FBLN1: variants seen among roughly 807,000 people sequenced by gnomAD.
The protein encoded by FBLN1 is fibulin-1.
In FBLN1, 34 loss-of-function variants were observed where a neutral mutation model predicts 89.7. The ratio of observed to expected loss-of-function variants is 0.38; its 90% CI spans 0.29 to 0.50. The LOEUF (loss-of-function observed/expected upper bound fraction) is 0.50. FBLN1 is among the 20% of genes least tolerant of loss of function. The pLI is 0.92. For synonymous variants in FBLN1, 393 were observed against 391.3 expected, an observed-to-expected ratio of 1.00 and a Z score of -0.05; for missense variants, 777 against 988.1, an observed-to-expected ratio of 0.79 and a Z score of 2.86.
At position 45,597,096 on chromosome 22, in the gene FBLN1, G is replaced by A. The variant is rs6007101; in HGVS notation, c.1973-3211G>A. Among the ~76,000 whole-genome samples the A allele has an allele frequency of 0.29, 43,877 of 151,308 alleles. 9,168 individuals are homozygous for A. Among genetic ancestry groups the A allele is most frequent in the African/African-American group, 0.59 (24,530 of 41,300 alleles). On this transcript the variant is annotated intron_variant, in intron 16 of 16. Coordinates refer to ENST00000327858, the MANE Select transcript of FBLN1 (RefSeq NM_006486.3). The surrounding 1 kb of genome is among the most constrained non-coding windows in gnomAD (Gnocchi z 4.2). ...GGCTCATTGCAACCTTGACCTTCCC[G>A]GGCTCAAACAATTCTGCCACCTCAG... is the stretch of plus-strand genomic sequence containing the variant.
intron 8 of FBLN1, among the ~76,000 whole-genome samples, chr22:45,540,717 C>T (rs2088544408): frequency 6.6e-6 from 1 of 152,216 alleles, no homozygotes; most frequent in South Asian, 2.1e-4. Flanking sequence ...GTAAATGCCC[C>T]ACGGTCCCCA....
In FBLN1 at chr22:45,528,008, G is replaced by A. The variant is rs770656637; in HGVS notation, c.483G>A (p.Thr161=). The change falls in exon 4 of 17, where the codon ACG becomes ACA. Residue 161 remains threonine, a splice_region_variant and synonymous_variant. Coordinates refer to ENST00000327858, the MANE Select transcript of FBLN1 (RefSeq NM_006486.3). ...TGGATGTCGGGGGCCTCCAAGAAACGGGTAACTTTCCCCCTTCCTTCCCTA... is the reference window on the plus strand; with the variant it reads ...TGGATGTCGGGGGCCTCCAAGAAACAGGTAACTTTCCCCCTTCCTTCCCTA... ...GDLDVGGLQE[T]DKIIEVEEEQ... 65 of 1,614,074 alleles carry A rather than the reference G, an allele frequency of 4.0e-5. No individual in the cohort carries two copies. The highest frequency in any genetic ancestry group is 4.9e-5 in the Non-Finnish European group (58 of 1,180,030).
At position 45,556,962 on chromosome 22, in the gene FBLN1, C is replaced by T. The variant is rs2088796321; in HGVS notation, c.1697+6347C>T. The stretch of plus-strand genomic sequence containing the variant: ...CCGTGAATCCTGGCTATGGGAGAAA[C>T]AGTGCCATAATATTGGACCCTGATT... On this transcript the variant is annotated intron_variant, in intron 14 of 16. Coordinates refer to ENST00000327858, the MANE Select transcript of FBLN1 (RefSeq NM_006486.3). This position sits in a 1 kb window ranked among gnomAD's most constrained non-coding sequence, Gnocchi z 4.6. 6.6e-6 allele frequency among the ~76,000 whole-genome samples: 1 copy of T among 152,136 alleles called. No individual in the cohort carries two copies. Among genetic ancestry groups the T allele is most frequent in the Non-Finnish European group, 1.5e-5 (1 of 68,034 alleles).
intron 2 of FBLN1, among the ~76,000 whole-genome samples, chr22:45,521,030 G>A (rs1486742189): frequency 6.6e-6 from 1 of 152,060 alleles, no homozygotes; most frequent in East Asian, 1.9e-4. Flanking sequence ...TGGCCAGGCT[G>A]GTCTCGAACT....
chr22:45,541,776 G>C (rs748789621), intron 9 of FBLN1, among the ~76,000 whole-genome samples: 1 of 152,240 alleles, frequency 6.6e-6, no homozygotes, highest in Non-Finnish European at 1.5e-5. Flanking sequence ...GTGGGTGTTT[G>C]CTCTCACGTC....
chr22:45,535,471 C>G (rs1602185574), intron 8 of FBLN1, 134 bp downstream of exon 8: 1 of 994,036 alleles, frequency 1.0e-6, no homozygotes, highest in East Asian at 2.6e-5. Flanking sequence ...GTGTAAAGGG[C>G]TGGACAGCAA....
intron 12 of FBLN1, 80 bp downstream of exon 12, chr22:45,547,284 A>G (rs2088642573): frequency 6.3e-7 from 1 of 1,585,702 alleles, no homozygotes; most frequent in South Asian, 1.1e-5. Flanking sequence ...CTGACTTTCA[A>G]AATCCACAGG....
intron 11 of FBLN1, among the ~76,000 whole-genome samples, chr22:45,544,029 A>G (rs1276384124): frequency 6.6e-6 from 1 of 151,794 alleles, no homozygotes; most frequent in Non-Finnish European, 1.5e-5. Flanking sequence ...GTAAATGACG[A>G]GCTGTGAGAG....
In FBLN1 at chr22:45,600,594, G is replaced by T; in HGVS notation, c.*148G>T. ...CAACATGTATTAAGCTGAGCCAGAT[G>T]AATAAGTCCATCTGATGTATTTTCG... On this transcript the variant is annotated 3_prime_UTR_variant, in exon 17 of 17. Coordinates refer to ENST00000327858, the MANE Select transcript of FBLN1 (RefSeq NM_006486.3). The T allele has an allele frequency of 3.3e-6, 3 of 900,920 alleles. No individual in the cohort carries two copies. The highest frequency in any genetic ancestry group is 2.4e-5 in the East Asian group (1 of 40,894). 55.8% of individuals were successfully genotyped at this position (900,920 alleles called of 1,614,324 possible).
rs1035887286 is a variant in FBLN1, at chr22:45,600,202, A to T, written c.1973-105A>T. ...CGTAGGATGGGACTCCATGAGGTCT[A>T]TGCCTCCTTCTAGCTCTGAAACTCC... On this transcript the variant is annotated intron_variant, in intron 16 of 16. Coordinates refer to ENST00000327858, the MANE Select transcript of FBLN1 (RefSeq NM_006486.3). The T allele has an allele frequency of 1.4e-5, 20 of 1,384,782 alleles. No homozygotes were observed. The Admixed American group carries it at 3.2e-4, about 22-fold the overall frequency. The allele number at this position is 1,384,782 out of a possible 1,614,324, so 85.8% of individuals were successfully genotyped here.
Position 45,578,620 on chromosome 22 carries a change from T to C in FBLN1, c.1972+1512T>C, listed in dbSNP as rs2089018010. 1.3e-5 allele frequency among the ~76,000 whole-genome samples: 2 copies of C among 150,452 alleles called. No homozygotes were observed. Among genetic ancestry groups the C allele is most frequent in the East Asian group, 1.9e-4 (1 of 5,138 alleles). On this transcript the variant is annotated intron_variant, in intron 16 of 16. Coordinates refer to ENST00000327858, the MANE Select transcript of FBLN1 (RefSeq NM_006486.3). This position sits in a 1 kb window ranked among gnomAD's most constrained non-coding sequence, Gnocchi z 4.6. ...TGCAGGAGGGCAGGCAGGGAGGGGG[T>C]TGGGTCAGGGCTTTGTCCTGTCCCA...
intron 16 of FBLN1, among the ~76,000 whole-genome samples, chr22:45,594,439 G>A (rs1399486498): frequency 6.6e-6 from 1 of 152,122 alleles, no homozygotes. Flanking sequence ...CATATTTTTG[G>A]GCTTTGCACT....
In FBLN1 at chr22:45,590,535, G is replaced by GC. The variant is rs1401329883; in HGVS notation, c.1973-9767dup. On this transcript the variant is annotated intron_variant, in intron 16 of 16. Coordinates refer to ENST00000327858, the MANE Select transcript of FBLN1 (RefSeq NM_006486.3). The surrounding 1 kb of genome is among the most constrained non-coding windows in gnomAD (Gnocchi z 4.1). Reference sequence around the variant, plus strand: ...AGAGCCCCCTGCAGAGCCACAGTGGGCCCCCACGGTTGGATTTACCTCCTG... The same window carrying GC: ...AGAGCCCCCTGCAGAGCCACAGTGGGCCCCCCACGGTTGGATTTACCTCCTG... 6.6e-6 allele frequency among the ~76,000 whole-genome samples: 1 copy of GC among 152,158 alleles called. No individual in the cohort carries two copies. Among genetic ancestry groups the GC allele is most frequent in the Non-Finnish European group, 1.5e-5 (1 of 68,020 alleles).
rs1228402611 is a variant in FBLN1 at position 45,579,063 on chromosome 22, T to C, written c.1972+1955T>C. On this transcript the variant is annotated intron_variant, in intron 16 of 16. Coordinates refer to ENST00000327858, the MANE Select transcript of FBLN1 (RefSeq NM_006486.3). The surrounding 1 kb of genome is among the most constrained non-coding windows in gnomAD (Gnocchi z 5.5). The stretch of plus-strand genomic sequence containing the variant: ...GAAGTCTCCTGGCAGGTTTTACGTC[T>C]TTAGTTCCCACCTACATCCTTCCTG... Among the ~76,000 whole-genome samples the C allele has an allele frequency of 2.6e-5, 4 of 152,226 alleles. No individual in the cohort carries two copies. The highest frequency in any genetic ancestry group is 5.9e-5 in the Non-Finnish European group (4 of 68,048).
intron 10 of FBLN1, among the ~76,000 whole-genome samples, chr22:45,543,197 C>T (rs532242264): frequency 2.6e-5 from 4 of 152,202 alleles, no homozygotes; most frequent in South Asian, 4.2e-4. Context: ...AACTGGGAGG[C>T]GGAGGTTGCA....
In FBLN1 at chr22:45,578,370, C is replaced by G. The variant is rs1372489918; in HGVS notation, c.1972+1262C>G. ...ACTGAGTCACTGGGGGGCTCCCCAC[C>G]CCAGCCTCCTCCTGCGCTAGCTGGC... On this transcript the variant is annotated intron_variant, in intron 16 of 16. Coordinates refer to ENST00000327858, the MANE Select transcript of FBLN1 (RefSeq NM_006486.3). This position sits in a 1 kb window ranked among gnomAD's most constrained non-coding sequence, Gnocchi z 4.6. The G allele has an allele frequency of 6.6e-6, 1 of 152,204 alleles. No homozygotes were observed. Among genetic ancestry groups the G allele is most frequent in the Non-Finnish European group, 1.5e-5 (1 of 68,040 alleles). 9.4% of individuals were successfully genotyped at this position (152,204 alleles called of 1,614,324 possible).
Position 45,556,487 on chromosome 22 carries a change from C to A in FBLN1, c.1697+5872C>A, listed in dbSNP as rs575243222. Among the ~76,000 whole-genome samples, 1 of 151,706 alleles carries A rather than the reference C, an allele frequency of 6.6e-6. No homozygotes were observed. Among genetic ancestry groups the A allele is most frequent in the Non-Finnish European group, 1.5e-5 (1 of 67,968 alleles). ...TGGTGGAGTGACCCAAACCTTCATT[C>A]CTGAAGGGTCTGGGTCATTTGTAGT... On this transcript the variant is annotated intron_variant, in intron 14 of 16. Coordinates refer to ENST00000327858, the MANE Select transcript of FBLN1 (RefSeq NM_006486.3). This position sits in a 1 kb window ranked among gnomAD's most constrained non-coding sequence, Gnocchi z 4.6.
intron 14 of FBLN1, among the ~76,000 whole-genome samples, chr22:45,568,461 G>T (rs2088917683): frequency 1.4e-5 from 2 of 148,020 alleles, no homozygotes; most frequent in Non-Finnish European, 3.0e-5. Flanking sequence ...TCCTTCTGTA[G>T]GGGAGTGCTC....
rs780934807 is a variant in FBLN1, at chr22:45,535,330, C to T, written c.915C>T (p.Asn305=). ...GCTTTATACAAGATGCTCTAGGCAA[C>T]TGTATTGGTAAGAGGTGTGCCGCCA... ...KSGFIQDALG[N]CIDINECLSI... is the part of the protein sequence containing the mutation. The change falls in exon 8 of 17, where the codon AAC becomes AAT. Residue 305 remains asparagine, a synonymous_variant. Transcript: ENST00000327858. 8.7e-6 allele frequency: 14 copies of T among 1,614,184 alleles called. No homozygotes were observed. The South Asian group carries it at 1.5e-4, about 18-fold the overall frequency.
Sources: allele counts gnomAD v4.1 joint callset (sites outside exome capture counted in the v4.1 genomes callset), GRCh38; gene constraint gnomAD v4.1.1; non-coding constraint Gnocchi (gnomAD v3.1); transcripts MANE v1.5; gene names NCBI Gene and HGNC (gene_info 2026-07-23, HGNC 2026-07-21).